The following GUCY1A2 variants were observed in gnomAD, a reference collection of about 807,000 sequenced individuals.
GUCY1A2 encodes the protein guanylate cyclase 1 soluble subunit alpha 2.
In GUCY1A2, 27 loss-of-function variants were observed where a neutral mutation model predicts 63.5. The observed-to-expected ratio is 0.43, with a 90% CI of 0.31 to 0.59. The LOEUF (loss-of-function observed/expected upper bound fraction) is 0.59, where lower values mean the gene tolerates loss of function less well. GUCY1A2 is among the 20% of genes least tolerant of loss of function. GUCY1A2 has a pLI of 0.11. For missense variants in GUCY1A2, 768 were observed against 913.3 expected (o/e 0.84, Z 2.05); for synonymous variants, 364 against 343.5 (o/e 1.06, Z -0.66).
At chr11:106,713,999 C>T (rs540026996) in intron 6 of GUCY1A2, among the ~76,000 whole-genome samples, 1 of 90,370 alleles carries the variant, frequency 1.1e-5, no homozygotes, top group South Asian at 3.3e-4. Context: ...ACACATTTTA[C>T]ACTCTTTTTT....
At chr11:106,989,650 CG>C (rs914389938) in intron 1 of GUCY1A2, among the ~76,000 whole-genome samples, 2 of 151,392 alleles carry the variant, frequency 1.3e-5, no homozygotes, top group Admixed American at 6.6e-5. Context: ...TCTTCATCAT[CG>C]AAAAAAAATC....
At chr11:106,754,999 G>A (rs1863949153) in intron 6 of GUCY1A2, among the ~76,000 whole-genome samples, 2 of 152,032 alleles carry the variant, frequency 1.3e-5, no homozygotes, top group South Asian at 4.2e-4. Flanking sequence ...TTTTTTGGTT[G>A]GTAGGCTATT....
chr11:106,790,626 G>T (rs1019316279), intron 5 of GUCY1A2, among the ~76,000 whole-genome samples: 4 of 151,768 alleles, frequency 2.6e-5, no homozygotes, highest in Non-Finnish European at 4.4e-5. Context: ...GCATCTTAGA[G>T]TCTTGCTTAA....
At chr11:107,000,299 T>C (rs17654146) in intron 1 of GUCY1A2, among the ~76,000 whole-genome samples, 2,046 of 152,278 alleles carry the variant, frequency 0.013, 28 homozygotes, top group South Asian at 0.045. Flanking sequence ...GTGGAAACAA[T>C]AAATCTCTCT....
chr11:106,942,996 C>A (rs2119987089), intron 3 of GUCY1A2, among the ~76,000 whole-genome samples: 1 of 152,038 alleles, frequency 6.6e-6, no homozygotes, highest in Admixed American at 6.5e-5. Context: ...AATGGCAATT[C>A]TATATAAACC....
chr11:106,767,112 G>A (rs1264053146), intron 6 of GUCY1A2, among the ~76,000 whole-genome samples: 1 of 152,096 alleles, frequency 6.6e-6, no homozygotes, highest in Non-Finnish European at 1.5e-5. Flanking sequence ...AGTAGTCTTA[G>A]TGGGACACTG....
intron 6 of GUCY1A2, among the ~76,000 whole-genome samples, chr11:106,727,720 C>T (rs905443142): frequency 3.3e-5 from 5 of 152,134 alleles, no homozygotes; most frequent in African/African-American, 7.2e-5. Flanking sequence ...ACACTAAAAT[C>T]GCTTAGGAAG....
chr11:106,920,379 ACT>A (rs1210385236), intron 4 of GUCY1A2, among the ~76,000 whole-genome samples: 1 of 152,114 alleles, frequency 6.6e-6, no homozygotes, highest in African/African-American at 2.4e-5. Flanking sequence ...TATCGATTAT[ACT>A]CTTTTGTCTG....
At position 107,017,961 on chromosome 11, in the gene GUCY1A2, G is replaced by C. The variant is rs1861850483; in HGVS notation, c.95C>G (p.Ser32Cys). The change falls in exon 1 of 8, where the codon TCT (serine) becomes TGT (cysteine). Residue 32 changes from serine (S) to cysteine (C), a missense_variant. Physicochemically the swap from Ser to Cys is moderately radical, Grantham distance 112 (BLOSUM62 -1). Around this residue, in one of 3 missense-constraint regions of GUCY1A2, gnomAD observed 496 missense variants for 486.9 expected, o/e 1.02. Transcript: ENST00000526355. ...CCGGCTGCCATTCCAGCAGAGCCTA[G>C]ACAGGGGGCACTCCCCCTCCTCCTC... ...SPEEEGECPLSRLCWNGSRSP... is the reference protein window; with the variant it reads ...SPEEEGECPLCRLCWNGSRSP... 7.0e-7 allele frequency: 1 copy of C among 1,434,820 alleles called. No homozygotes were observed. Among genetic ancestry groups the C allele is most frequent in the African/African-American group, 1.5e-5 (1 of 68,134 alleles). The allele number at this position is 1,434,820 out of a possible 1,614,324, so 88.9% of individuals were successfully genotyped here. A position where few individuals can be genotyped will look rare whatever the true frequency, so the allele number is the denominator to read the frequency against.
intron 4 of GUCY1A2, among the ~76,000 whole-genome samples, chr11:106,888,281 A>AC (rs1398972166): frequency 6.8e-6 from 1 of 148,042 alleles, no homozygotes; most frequent in Non-Finnish European, 1.5e-5. Flanking sequence ...ACACCGTGAA[A>AC]CCCCCTCTCT....
chr11:106,966,742 A>C (rs913089306), intron 3 of GUCY1A2, among the ~76,000 whole-genome samples: 1 of 152,178 alleles, frequency 6.6e-6, no homozygotes, highest in African/African-American at 2.4e-5. Flanking sequence ...AATTAAAGAA[A>C]TTGTATAAAT....
chr11:107,001,218 GA>G (rs1861608132), intron 1 of GUCY1A2, among the ~76,000 whole-genome samples: 1 of 152,186 alleles, frequency 6.6e-6, no homozygotes, highest in Admixed American at 6.5e-5. Context: ...AGTAGGTGGG[GA>G]TATAGAATTA....
At chr11:106,842,117 G>C (rs1408135773) in intron 4 of GUCY1A2, among the ~76,000 whole-genome samples, 1 of 151,882 alleles carries the variant, frequency 6.6e-6, no homozygotes, top group Non-Finnish European at 1.5e-5. Flanking sequence ...GCTCTCTGCT[G>C]ATCTGTGATT....
At chr11:106,689,009 T>G (rs1339227006) in intron 7 of GUCY1A2, among the ~76,000 whole-genome samples, 2 of 152,052 alleles carry the variant, frequency 1.3e-5, no homozygotes, top group African/African-American at 4.8e-5. Flanking sequence ...CCCATTATCT[T>G]TTTCTTAAAA....
chr11:106,786,334 T>C (rs1292960138), intron 5 of GUCY1A2, among the ~76,000 whole-genome samples: 1 of 152,236 alleles, frequency 6.6e-6, no homozygotes, highest in Non-Finnish European at 1.5e-5. Flanking sequence ...ATACGGCTGC[T>C]TTTAAGGATG....
intron 6 of GUCY1A2, among the ~76,000 whole-genome samples, chr11:106,732,432 G>C (rs1225177373): frequency 6.6e-6 from 1 of 152,042 alleles, no homozygotes; most frequent in Non-Finnish European, 1.5e-5. Flanking sequence ...CATAAAGTTA[G>C]CTTCATAAGA....
intron 3 of GUCY1A2, among the ~76,000 whole-genome samples, chr11:106,955,239 T>C (rs1023002579): frequency 6.6e-6 from 1 of 152,218 alleles, no homozygotes; most frequent in Non-Finnish European, 1.5e-5. Flanking sequence ...CCCAAAGTGT[T>C]GGGATTACAG....
At chr11:106,904,109 C>T (rs1591321367) in intron 4 of GUCY1A2, among the ~76,000 whole-genome samples, 1 of 152,054 alleles carries the variant, frequency 6.6e-6, no homozygotes, top group Admixed American at 6.6e-5. Flanking sequence ...GCCACAAAGC[C>T]AGAGCTACTG....
chr11:106,825,700 GGAA>G (rs761778177), intron 4 of GUCY1A2, among the ~76,000 whole-genome samples: 6 of 151,930 alleles, frequency 3.9e-5, no homozygotes, highest in Non-Finnish European at 7.4e-5. Context: ...GAGCCACACT[GGAA>G]GAAGAATTGT....
Sources: allele counts gnomAD v4.1 joint callset (sites outside exome capture counted in the v4.1 genomes callset), GRCh38; gene constraint gnomAD v4.1.1; regional missense constraint gnomAD v4.1.1; transcripts MANE v1.5; gene names NCBI Gene and HGNC (gene_info 2026-07-23, HGNC 2026-07-21).